Variants in SEH1L observed in about 807,000 individuals in gnomAD.
SEH1L encodes the protein SEH1 like nucleoporin.
SEH1L carries 18 observed loss-of-function variants against 49.5 expected under a neutral mutation model. The observed-to-expected ratio is 0.36, with a 90% CI of 0.25 to 0.54. The LOEUF is 0.54. Among genes scored for constraint, SEH1L ranks in the 20% least tolerant of loss-of-function variants. The pLI is 0.87. For synonymous variants in SEH1L, 169 were observed against 178.1 expected, an observed-to-expected ratio of 0.95 and a Z score of 0.41; for missense variants, 404 against 528.8, an observed-to-expected ratio of 0.76 and a Z score of 2.31.
intron 6 of SEH1L, among the ~76,000 whole-genome samples, chr18:12,980,623 T>C (rs866005037): frequency 1.7e-5 from 1 of 59,246 alleles, no homozygotes; most frequent in Non-Finnish European, 3.3e-5. Flanking sequence ...GGGGCTCCTC[T>C]CTTCCCAGTA....
At chr18:12,985,929 A>T in intron 8 of SEH1L, 1 of 929,964 alleles carries the variant, frequency 1.1e-6, no homozygotes, top group Non-Finnish European at 1.3e-6. Context: ...TGGGACTAAG[A>T]TGGAAACACT....
intron 1 of SEH1L, among the ~76,000 whole-genome samples, chr18:12,950,910 T>C (rs2030482876): frequency 6.6e-6 from 1 of 152,016 alleles, no homozygotes; most frequent in Non-Finnish European, 1.5e-5. Flanking sequence ...AGCCTTAAAC[T>C]CCTGGGCTCA....
intron 8 of SEH1L, chr18:12,986,127 ATGTCTCAAGATTTTCT>A (rs1199319692): frequency 1.0e-6 from 1 of 984,554 alleles, no homozygotes; most frequent in Non-Finnish European, 1.2e-6. Context: ...TCAGCATTCC[ATGTCTCAAGATTTTCT>A]TAATTTAGTT....
chr18:12,963,853 C>G (rs1456222976), intron 4 of SEH1L, among the ~76,000 whole-genome samples: 1 of 152,238 alleles, frequency 6.6e-6, no homozygotes, highest in Non-Finnish European at 1.5e-5. Flanking sequence ...GCTAGAATTA[C>G]AGGCATGCGC....
intron 8 of SEH1L, chr18:12,985,674 T>G: frequency 1.0e-6 from 1 of 954,248 alleles, no homozygotes; most frequent in Non-Finnish European, 1.2e-6. Flanking sequence ...AATGATGAAC[T>G]TTTATAATTT....
At chr18:12,968,196 G>A (rs2031537844) in intron 4 of SEH1L, among the ~76,000 whole-genome samples, 1 of 152,150 alleles carries the variant, frequency 6.6e-6, no homozygotes, top group South Asian at 2.1e-4. Context: ...CCTGCTGGGT[G>A]CTCTGTTGTG....
intron 1 of SEH1L, among the ~76,000 whole-genome samples, chr18:12,950,451 T>A (rs1568207187): frequency 2.6e-5 from 4 of 152,196 alleles, no homozygotes; most frequent in Non-Finnish European, 4.4e-5. Flanking sequence ...AGTGAAAAAA[T>A]TATAGACTTA....
At chr18:12,980,875 C>T (rs1312445760) in intron 6 of SEH1L, among the ~76,000 whole-genome samples, 8 of 131,020 alleles carry the variant, frequency 6.1e-5, no homozygotes, top group Non-Finnish European at 1.3e-4. Context: ...GGGGGGCTGA[C>T]CCCCCCCACC....
chr18:12,973,022 A>C (rs1336602539), intron 5 of SEH1L: 1 of 152,176 alleles, frequency 6.6e-6, no homozygotes, highest in Non-Finnish European at 1.5e-5. Flanking sequence ...CCTGGACAAC[A>C]TGGTGAAACC....
At chr18:12,984,263 T>C (rs1431980894) in intron 8 of SEH1L, 73 bp downstream of exon 8, 1 of 1,441,340 alleles carries the variant, frequency 6.9e-7, no homozygotes, top group Admixed American at 1.7e-5. Context: ...TTAAGGTGGA[T>C]TATTTCATGG....
At chr18:12,962,631 C>CTTT (rs562045826) in intron 3 of SEH1L, among the ~76,000 whole-genome samples, 1 of 138,436 alleles carries the variant, frequency 7.2e-6, no homozygotes, top group South Asian at 2.3e-4. Context: ...CCACACCTGG[C>CTTT]TTTTTTTTTT....
At chr18:12,978,634 C>G in intron 5 of SEH1L, 118 bp from the exon 6 acceptor site, 1 of 785,286 alleles carries the variant, frequency 1.3e-6, no homozygotes, top group South Asian at 1.7e-5. Context: ...GTTGAGCCCA[C>G]TACAGAGGTG....
intron 8 of SEH1L, chr18:12,986,423 T>C (rs1363342333): frequency 6.1e-6 from 6 of 985,938 alleles, no homozygotes; most frequent in Non-Finnish European, 7.2e-6. Context: ...CCCAGTATCA[T>C]GTACGCACTA....
At chr18:12,955,253 T>C (rs1216460850) in intron 2 of SEH1L, among the ~76,000 whole-genome samples, 1 of 150,994 alleles carries the variant, frequency 6.6e-6, no homozygotes, top group African/African-American at 2.4e-5. Flanking sequence ...ATCCTAAATA[T>C]AGAATGTCTT....
At chr18:12,970,482 A>G (rs2031649902) in intron 4 of SEH1L, among the ~76,000 whole-genome samples, 1 of 152,186 alleles carries the variant, frequency 6.6e-6, no homozygotes. Context: ...GTGCAGTGGC[A>G]CGATCATAGC....
chr18:12,982,446 T>C (rs1568231514), intron 6 of SEH1L, 72 bp from the exon 7 acceptor site: 1 of 1,079,138 alleles, frequency 9.3e-7, no homozygotes. Flanking sequence ...TGTGTATATA[T>C]ATATGTGTGT....
chr18:12,978,634 C>T, intron 5 of SEH1L, 118 bp from the exon 6 acceptor site: 1 of 785,286 alleles, frequency 1.3e-6, no homozygotes, highest in Non-Finnish European at 2.1e-6. Context: ...GTTGAGCCCA[C>T]TACAGAGGTG....
At chr18:12,958,837 G>C (rs1207220398) in intron 3 of SEH1L, among the ~76,000 whole-genome samples, 1 of 152,176 alleles carries the variant, frequency 6.6e-6, no homozygotes, top group African/African-American at 2.4e-5. Flanking sequence ...GTTTGAGACC[G>C]TGCTTTCGAT....
intron 6 of SEH1L, among the ~76,000 whole-genome samples, chr18:12,979,161 G>A (rs2032054314): frequency 6.7e-6 from 1 of 150,334 alleles, no homozygotes; most frequent in Non-Finnish European, 1.5e-5. Flanking sequence ...GGGAAGGTCA[G>A]CAGATAAACA....
Sources: gnomAD v4.1 joint callset for allele counts (sites outside exome capture counted in the v4.1 genomes callset) on GRCh38, gnomAD v4.1.1 for gene constraint, MANE v1.5 for transcripts, NCBI Gene and HGNC (gene_info 2026-07-23, HGNC 2026-07-21) for gene names.